The following PPP1R13B variants were observed in gnomAD, a reference collection of about 807,000 sequenced individuals.
The protein encoded by PPP1R13B is protein phosphatase 1 regulatory subunit 13B, also known as apoptosis-stimulating of p53 protein 1.
In PPP1R13B, 44 loss-of-function variants were observed where a neutral mutation model predicts 119.8. That is an observed-to-expected ratio of 0.37 (90% CI 0.29 to 0.47). The LOEUF (loss-of-function observed/expected upper bound fraction) is 0.47, where lower values mean the gene tolerates loss of function less well. Among genes scored for constraint, PPP1R13B ranks in the 20% least tolerant of loss-of-function variants. The pLI is 0.99. For synonymous variants in PPP1R13B, 542 were observed against 561.5 expected (o/e 0.97, Z 0.49); for missense variants, 1,227 against 1,413.5 (o/e 0.87, Z 2.12).
intron 1 of PPP1R13B, among the ~76,000 whole-genome samples, chr14:103,798,458 C>T (rs2085814943): frequency 6.6e-6 from 1 of 151,640 alleles, no homozygotes; most frequent in Admixed American, 6.6e-5. Context: ...GGCCAAGAAT[C>T]TCTTATAATC....
At chr14:103,768,544 G>T (rs2084991025) in intron 4 of PPP1R13B, among the ~76,000 whole-genome samples, 1 of 152,064 alleles carries the variant, frequency 6.6e-6, no homozygotes, top group Admixed American at 6.5e-5. Context: ...TGATCCGCCT[G>T]CCTCAGCCTC....
chr14:103,819,079 G>C (rs140971134), intron 1 of PPP1R13B, among the ~76,000 whole-genome samples: 1 of 152,280 alleles, frequency 6.6e-6, no homozygotes, highest in African/African-American at 2.4e-5. Flanking sequence ...CAGGCGAAGG[G>C]AACAAGTGCA....
intron 12 of PPP1R13B, among the ~76,000 whole-genome samples, chr14:103,739,552 T>G (rs1294399186): frequency 6.6e-6 from 1 of 152,142 alleles, no homozygotes; most frequent in African/African-American, 2.4e-5. Context: ...CAGCGACAGC[T>G]CCCCTTCCTC....
Position 103,733,409 on chromosome 14 carries a change from G to T in PPP1R13B, c.*1745C>A. 5.1e-6 allele frequency: 1 copy of T among 197,418 alleles called. No individual in the cohort carries two copies. Among genetic ancestry groups the T allele is most frequent in the Non-Finnish European group, 1.0e-5 (1 of 95,682 alleles). The allele number at this position is 197,418 out of a possible 1,614,324, so 12.2% of individuals were successfully genotyped here. ...AACCAGTTTGGGCAGTAGGAACTCA[G>T]GCTTCTGGTCTGCAGTGGAGCCTGT... On this transcript the variant is annotated 3_prime_UTR_variant, in exon 17 of 17. Coordinates refer to ENST00000202556, the MANE Select transcript of PPP1R13B (RefSeq NM_015316.3).
Position 103,742,704 on chromosome 14 carries a change from C to T in PPP1R13B, c.1270G>A (p.Val424Ile), listed in dbSNP as rs1367209803. 4.3e-6 allele frequency: 7 copies of T among 1,613,910 alleles called. No individual in the cohort carries two copies. Among genetic ancestry groups the T allele is most frequent in the Non-Finnish European group, 5.9e-6 (7 of 1,180,026 alleles). Residue 424 changes from valine to isoleucine, a missense_variant, in exon 10 of 17, where the codon GTC becomes ATC. Physicochemically the swap from Val to Ile is conservative, Grantham distance 29. Coordinates refer to ENST00000202556, the MANE Select transcript of PPP1R13B (RefSeq NM_015316.3). The surrounding 1 kb of genome is among the most constrained non-coding windows in gnomAD (Gnocchi z 4.9). The stretch of plus-strand genomic sequence containing the variant: ...GAGAAGGGCACAGGCTGGCTGGAGA[C>T]AGTGCCCTGCTTGACAGACCCCTCC... ...SVEGSVKQGT[V>I]SSQPVPFSAL... is the part of the protein sequence containing the mutation.
At position 103,740,252 on chromosome 14, in the gene PPP1R13B, T is replaced by C; in HGVS notation, c.2164A>G (p.Ile722Val). 6.2e-7 allele frequency: 1 copy of C among 1,606,806 alleles called. No individual in the cohort carries two copies. Among genetic ancestry groups the C allele is most frequent in the Non-Finnish European group, 8.5e-7 (1 of 1,175,498 alleles). The stretch of plus-strand genomic sequence containing the variant: ...AAGCGCTGGTACAGCAGCTTCTGGA[T>C]GTTGGGCCCGCCGGGGCCCTCGGGC... ...TEPEGPGGPN[I>V]QKLLYQRFNT... Residue 722 changes from isoleucine (I) to valine (V), a missense_variant, in exon 12 of 17, where the codon ATC becomes GTC. Transcript: ENST00000202556. The surrounding 1 kb of genome is among the most constrained non-coding windows in gnomAD (Gnocchi z 4.6).
At chr14:103,751,714 C>T (rs540111217) in intron 7 of PPP1R13B, among the ~76,000 whole-genome samples, 28 of 152,280 alleles carry the variant, frequency 1.8e-4, no homozygotes, top group African/African-American at 5.3e-4. Context: ...AGCGAGAAGG[C>T]GGCTCTCTGC....
intron 1 of PPP1R13B, among the ~76,000 whole-genome samples, chr14:103,843,753 G>A (rs560557754): frequency 6.6e-6 from 1 of 152,220 alleles, no homozygotes; most frequent in African/African-American, 2.4e-5. Context: ...AAGAGATCAA[G>A]ACAATCCTGG....
intron 1 of PPP1R13B, among the ~76,000 whole-genome samples, chr14:103,820,211 A>G (rs1399903971): frequency 6.6e-6 from 1 of 151,986 alleles, no homozygotes; most frequent in Non-Finnish European, 1.5e-5. Flanking sequence ...CCTTCTCACC[A>G]CCCCACCAGG....
intron 2 of PPP1R13B, chr14:103,794,493 A>AT (rs2085709618): frequency 3.9e-6 from 1 of 256,500 alleles, no homozygotes; most frequent in Admixed American, 4.8e-5. Context: ...TGCCCAGCTA[A>AT]TTTTTTGTTT....
At chr14:103,805,679 G>C (rs752669497) in intron 1 of PPP1R13B, among the ~76,000 whole-genome samples, 1 of 152,114 alleles carries the variant, frequency 6.6e-6, no homozygotes, top group Non-Finnish European at 1.5e-5. Context: ...TCATACAATG[G>C]AATATTATTC....
At chr14:103,813,627 G>A (rs2086210546) in intron 1 of PPP1R13B, among the ~76,000 whole-genome samples, 1 of 152,196 alleles carries the variant, frequency 6.6e-6, no homozygotes, top group African/African-American at 2.4e-5. Context: ...TCCCAGGCAC[G>A]CAGAACTGTG....
chr14:103,806,398 G>C (rs1405490871), intron 1 of PPP1R13B, among the ~76,000 whole-genome samples: 1 of 152,156 alleles, frequency 6.6e-6, no homozygotes, highest in Non-Finnish European at 1.5e-5. Context: ...GAAATAAGGT[G>C]ATAAAAGCTA....
chr14:103,837,568 C>T (rs940585900), intron 1 of PPP1R13B, among the ~76,000 whole-genome samples: 4 of 151,968 alleles, frequency 2.6e-5, no homozygotes, highest in African/African-American at 9.7e-5. Context: ...CACGCAAGCA[C>T]TCACTCCCTC....
intron 1 of PPP1R13B, among the ~76,000 whole-genome samples, chr14:103,835,155 T>C (rs1404621717): frequency 6.6e-6 from 1 of 152,146 alleles, no homozygotes; most frequent in Non-Finnish European, 1.5e-5. Flanking sequence ...CTGTACAGCC[T>C]GTACTCTGCC....
chr14:103,831,000 A>G (rs954599120), intron 1 of PPP1R13B, among the ~76,000 whole-genome samples: 2 of 149,972 alleles, frequency 1.3e-5, no homozygotes, highest in African/African-American at 2.5e-5. Flanking sequence ...CTGGAGTGCA[A>G]CGGCACGATC....
intron 1 of PPP1R13B, among the ~76,000 whole-genome samples, chr14:103,826,181 ATAACCT>A (rs1310560013): frequency 1.6e-4 from 24 of 152,106 alleles, no homozygotes; most frequent in Non-Finnish European, 2.9e-4. Flanking sequence ...TCGGCCAAAC[ATAACCT>A]ATATGCACTG....
chr14:103,754,561 C>CAAAAAAA (rs771794623), intron 5 of PPP1R13B, among the ~76,000 whole-genome samples: 2 of 41,020 alleles, frequency 4.9e-5, no homozygotes, highest in African/African-American at 9.3e-5. Context: ...GACTCAGTCT[C>CAAAAAAA]AAAAAAAAAA....
intron 4 of PPP1R13B, among the ~76,000 whole-genome samples, chr14:103,759,927 G>T (rs568036663): frequency 1.4e-4 from 22 of 152,100 alleles, no homozygotes; most frequent in Admixed American, 1.3e-3. Flanking sequence ...ATTAAGATAC[G>T]CCATCTTGTC....
Sources: allele counts gnomAD v4.1 joint callset (sites outside exome capture counted in the v4.1 genomes callset), GRCh38; gene constraint gnomAD v4.1.1; non-coding constraint Gnocchi (gnomAD v3.1); transcripts MANE v1.5; gene names NCBI Gene and HGNC (gene_info 2026-07-23, HGNC 2026-07-21).